The following MLLT6 variants were observed in gnomAD, a reference collection of about 807,000 sequenced individuals.
MLLT6 encodes the protein MLLT6, PHD finger containing, also known as protein AF-17.
MLLT6 carries 22 observed loss-of-function variants against 103.0 expected under a neutral mutation model. The ratio of observed to expected loss-of-function variants is 0.21; its 90% CI spans 0.15 to 0.31. MLLT6 has a LOEUF of 0.31. MLLT6 is among the 10% of genes least tolerant of loss of function. The pLI is 1.00. For synonymous variants in MLLT6, 606 were observed against 623.5 expected, an observed-to-expected ratio of 0.97 and a Z score of 0.42; for missense variants, 1,199 against 1,441.7, an observed-to-expected ratio of 0.83 and a Z score of 2.73.
At chr17:38,722,412 C>T (rs561433308) in intron 17 of MLLT6, among the ~76,000 whole-genome samples, 185 bp downstream of exon 17, 1 of 152,306 alleles carries the variant, frequency 6.6e-6, no homozygotes, top group East Asian at 1.9e-4. Context: ...TGTGTGTCCT[C>T]TGGACGGTAG....
In MLLT6 at chr17:38,705,636, AAGGAGATGGT is replaced by A; in HGVS notation, c.10_19del (p.Met4AlafsTer57). The stretch of plus-strand genomic sequence containing the variant: ...CCCGGAGGGAGCTCATGGGAGTATG[AAGGAGATGGT>A]AGGAGGCTGCTGCGTATGTTCGGAC... On this transcript the variant is annotated frameshift_variant, in exon 1 of 20. Transcript: ENST00000621332. LOFTEE classifies it high-confidence loss of function. 1 of 1,410,776 alleles carries A rather than the reference AAGGAGATGGT, an allele frequency of 7.1e-7. No homozygotes were observed. The highest frequency in any genetic ancestry group is 3.6e-5 in the East Asian group (1 of 27,664). 87.4% of individuals were successfully genotyped at this position (1,410,776 alleles called of 1,614,324 possible). A position where few individuals can be genotyped will look rare whatever the true frequency, so the allele number is the denominator to read the frequency against.
chr17:38,709,295 C>A lies in MLLT6; in HGVS notation c.458+19C>A. The A allele has an allele frequency of 6.3e-7, 1 of 1,599,250 alleles. No individual in the cohort carries two copies. The highest frequency in any genetic ancestry group is 1.1e-5 in the South Asian group (1 of 90,766). On this transcript the variant is annotated intron_variant, in intron 5 of 19. Transcript: ENST00000621332. This position sits in a 1 kb window ranked among gnomAD's most constrained non-coding sequence, Gnocchi z 4.3. ...TCACCTGGTGAGACCCCTGTCCCAC[C>A]CCCCTGCCCCCCGGGTTTGTCCTGG...
At chr17:38,711,391 G>A (rs1449378409) in intron 6 of MLLT6, among the ~76,000 whole-genome samples, 1 of 152,126 alleles carries the variant, frequency 6.6e-6, no homozygotes, top group Non-Finnish European at 1.5e-5. Flanking sequence ...AGAAGAGGGT[G>A]ATAGCTGAGC....
At position 38,725,747 on chromosome 17, in the gene MLLT6, G is replaced by T; in HGVS notation, c.*149G>T. On this transcript the variant is annotated 3_prime_UTR_variant, in exon 20 of 20. Coordinates refer to ENST00000621332, the MANE Select transcript of MLLT6 (RefSeq NM_005937.4). ...GGTCCAGGGAGTGTGGAGAGCTCCTGGTGTCGAGGACTGAGACTGAGAGGG... is the reference window on the plus strand; with the variant it reads ...GGTCCAGGGAGTGTGGAGAGCTCCTTGTGTCGAGGACTGAGACTGAGAGGG... The T allele has an allele frequency of 1.5e-6, 1 of 653,034 alleles. No homozygotes were observed. Among genetic ancestry groups the T allele is most frequent in the Non-Finnish European group, 2.6e-6 (1 of 392,124 alleles). 40.5% of individuals were successfully genotyped at this position (653,034 alleles called of 1,614,324 possible). A position where few individuals can be genotyped will look rare whatever the true frequency, so the allele number is the denominator to read the frequency against.
chr17:38,707,136 C>T (rs768394979), intron 2 of MLLT6, 107 bp downstream of exon 2: 41 of 909,550 alleles, frequency 4.5e-5, no homozygotes, highest in Non-Finnish European at 6.6e-5. Context: ...GGATTTAGCT[C>T]TGTCACACAG....
At position 38,717,886 on chromosome 17, in the gene MLLT6, C is replaced by G. The variant is rs1168932962; in HGVS notation, c.1875C>G (p.Thr625=). ...GCTCTACCTTTAGCCTCCCTTCTAC[C>G]CACATCTTTGGAACCCCCATGGGTG... is the stretch of plus-strand genomic sequence containing the variant. The part of the protein sequence containing the change: ...LAGSTFSLPS[T]HIFGTPMGAV... Residue 625 remains threonine (T), a synonymous_variant, in exon 12 of 20, where the codon ACC becomes ACG. Transcript: ENST00000621332. 5 of 1,613,996 alleles carry G rather than the reference C, an allele frequency of 3.1e-6. No homozygotes were observed. The highest frequency in any genetic ancestry group is 1.3e-5 in the African/African-American group (1 of 74,924).
rs764413639 is a variant in MLLT6, at chr17:38,722,744, C to T, written c.2859C>T (p.Leu953=). 11 of 1,608,980 alleles carry T rather than the reference C, an allele frequency of 6.8e-6. No homozygotes were observed. The highest frequency in any genetic ancestry group is 4.4e-5 in the South Asian group (4 of 90,978). The part of the protein sequence containing the change: ...QEQQLQQLQQ[L]LASPQLTPEH... ...AGCAGCTCCAGCAACTCCAGCAGCT[C>T]CTGGCCTCCCCGCAGCTGACCCCGG... Residue 953 remains leucine, a synonymous_variant, in exon 18 of 20, where the codon CTC becomes CTT. Transcript: ENST00000621332.
intron 7 of MLLT6, among the ~76,000 whole-genome samples, chr17:38,712,271 A>G (rs1490942122): frequency 1.3e-5 from 2 of 152,072 alleles, no homozygotes; most frequent in African/African-American, 4.8e-5. Context: ...CCCCAGACAC[A>G]TGGCTCTGCA....
intron 2 of MLLT6, 85 bp downstream of exon 2, chr17:38,707,114 G>T (rs1021547202): frequency 2.5e-6 from 3 of 1,204,314 alleles, no homozygotes; most frequent in African/African-American, 3.1e-5. Context: ...CTCTGAGGCC[G>T]AGGCTAGGGT....
At chr17:38,714,387 A>G (rs375047474) in intron 8 of MLLT6, 1 of 152,388 alleles carries the variant, frequency 6.6e-6, no homozygotes, top group East Asian at 1.9e-4. Flanking sequence ...CCACATATGC[A>G]TAGTGCTCCC....
chr17:38,725,221 G>A, intron 19 of MLLT6: 1 of 531,970 alleles, frequency 1.9e-6, no homozygotes. Context: ...CCTTCCTCCG[G>A]GAGGACCAAT....
intron 10 of MLLT6, 86 bp from the exon 11 acceptor site, chr17:38,717,346 C>G: frequency 9.0e-7 from 1 of 1,105,270 alleles, no homozygotes; most frequent in Non-Finnish European, 1.3e-6. Context: ...AGCACTCGAG[C>G]TGGGGAGGGG....
At position 38,727,529 on chromosome 17, in the gene MLLT6, G is replaced by A. The variant is rs981813401; in HGVS notation, c.*1931G>A. The A allele has an allele frequency of 4.8e-6, 1 of 207,334 alleles. No homozygotes were observed. Among genetic ancestry groups the A allele is most frequent in the Non-Finnish European group, 9.8e-6 (1 of 101,710 alleles). The allele number at this position is 207,334 out of a possible 1,614,324, so 12.8% of individuals were successfully genotyped here. A position where few individuals can be genotyped will look rare whatever the true frequency, so the allele number is the denominator to read the frequency against. ...AAGAAAAGTAACCTTCAGGCCAGGC[G>A]CGGTGGCTCACGCCTGTAATCCCAA... On this transcript the variant is annotated 3_prime_UTR_variant, in exon 20 of 20. Transcript: ENST00000621332.
rs994563650 is a variant in MLLT6 at position 38,726,399 on chromosome 17, GTGTC to G, written c.*808_*811del. ...TGTGTGTGTGTGTGTGTGTGTGTGT[GTGTC>G]TGTCTGCCTGTCTCTCTCCTCCTGG... On this transcript the variant is annotated 3_prime_UTR_variant, in exon 20 of 20. Transcript: ENST00000621332. 1.2e-4 allele frequency: 27 copies of G among 233,708 alleles called. No individual in the cohort carries two copies. The highest frequency in any genetic ancestry group is 2.1e-4 in the Non-Finnish European group (25 of 118,844). The allele number at this position is 233,708 out of a possible 1,614,324, so 14.5% of individuals were successfully genotyped here. A position where few individuals can be genotyped will look rare whatever the true frequency, so the allele number is the denominator to read the frequency against.
rs1013412129 is a variant in MLLT6, at chr17:38,711,739, C to T, written c.553-108C>T. ...GACATGAGGTCCTCTTAGTGACAGA[C>T]GGGGCACATGGGGCTGACCCCCAGG... On this transcript the variant is annotated intron_variant, in intron 6 of 19. Coordinates refer to ENST00000621332, the MANE Select transcript of MLLT6 (RefSeq NM_005937.4). 85 of 1,357,334 alleles carry T rather than the reference C, an allele frequency of 6.3e-5. 1 individual carries two copies. The Admixed American group carries it at 1.4e-3, about 23-fold the overall frequency. 84.1% of individuals were successfully genotyped at this position (1,357,334 alleles called of 1,614,324 possible). A position where few individuals can be genotyped will look rare whatever the true frequency, so the allele number is the denominator to read the frequency against.
Position 38,724,668 on chromosome 17 carries a change from C to G in MLLT6, c.2932C>G (p.Arg978Gly). 1.9e-6 allele frequency: 3 copies of G among 1,611,336 alleles called. No homozygotes were observed. In the South Asian group the frequency reaches 3.3e-5, roughly 18 times the overall value. Reference sequence around the variant, plus strand: ...GATGATCCAGCAGATCCAGCAGAAACGGGAGCTGCAGCGCCTGCAGATGGC... The same window carrying G: ...GATGATCCAGCAGATCCAGCAGAAAGGGGAGCTGCAGCGCCTGCAGATGGC... Reference protein sequence around the residue: ...YQMIQQIQQKRELQRLQMAGG... With the variant: ...YQMIQQIQQKGELQRLQMAGG... Residue 978 changes from arginine to glycine, a missense_variant, in exon 19 of 20, where the codon CGG becomes GGG. Physicochemically the swap from Arg to Gly is moderately radical, Grantham distance 125. This residue lies in a region of MLLT6 where 1,034 missense variants were observed against 1,091.5 expected (regional missense o/e 0.95). Transcript: ENST00000621332. The surrounding 1 kb of genome is among the most constrained non-coding windows in gnomAD (Gnocchi z 5.4).
At chr17:38,711,597 G>T (rs543052413) in intron 6 of MLLT6, among the ~76,000 whole-genome samples, 6 of 152,134 alleles carry the variant, frequency 3.9e-5, no homozygotes, top group Admixed American at 2.6e-4. Flanking sequence ...GGGCCCAGAC[G>T]CATCCTTGCC....
rs1044086390 is a variant in MLLT6 at position 38,722,189 on chromosome 17, C to T, written c.2754C>T (p.Gly918=). ...ACCCCGCAAGCTTGAGCCAGGCTGG[C>T]GGGGCCCCCACGCTGCAGCTGCCAG... ...APNPASLSQA[G]GAPTLQLPGC... Residue 918 remains glycine, a synonymous_variant, in exon 17 of 20, where the codon GGC becomes GGT. Transcript: ENST00000621332. The T allele has an allele frequency of 4.5e-5, 62 of 1,363,880 alleles. No individual in the cohort carries two copies. Among genetic ancestry groups the T allele is most frequent in the Middle Eastern group, 2.6e-4 (1 of 3,912 alleles). 84.5% of individuals were successfully genotyped at this position (1,363,880 alleles called of 1,614,324 possible).
rs905162286 is a variant in MLLT6 at position 38,727,307 on chromosome 17, T to C, written c.*1709T>C. Reference sequence around the variant, plus strand: ...TTGTAAGATGTTAGGGAGCTGATAATGGAGGGGGGTGGGAATCCTTCAAAG... The same window carrying C: ...TTGTAAGATGTTAGGGAGCTGATAACGGAGGGGGGTGGGAATCCTTCAAAG... On this transcript the variant is annotated 3_prime_UTR_variant, in exon 20 of 20. Coordinates refer to ENST00000621332, the MANE Select transcript of MLLT6 (RefSeq NM_005937.4). The C allele has an allele frequency of 9.5e-6, 2 of 210,414 alleles. No homozygotes were observed. Among genetic ancestry groups the C allele is most frequent in the African/African-American group, 4.7e-5 (2 of 42,768 alleles). 13.0% of individuals were successfully genotyped at this position (210,414 alleles called of 1,614,324 possible).
Sources: allele counts gnomAD v4.1 joint callset (sites outside exome capture counted in the v4.1 genomes callset), GRCh38; gene constraint gnomAD v4.1.1; regional missense constraint gnomAD v4.1.1; non-coding constraint Gnocchi (gnomAD v3.1); transcripts MANE v1.5; gene names NCBI Gene and HGNC (gene_info 2026-07-23, HGNC 2026-07-21).